METTL15: variants seen among roughly 807,000 people sequenced by gnomAD.
METTL15 encodes the protein 12S rRNA N(4)-cytidine methyltransferase METTL15.
In METTL15, 34 loss-of-function variants were observed where a neutral mutation model predicts 38.3. The observed-to-expected ratio is 0.89, with a 90% CI of 0.68 to 1.18. METTL15 has a LOEUF of 1.18. METTL15 is among the 50% of genes most tolerant of loss of function. The pLI, the probability that METTL15 is intolerant of heterozygous loss-of-function variation, is 0.00. For synonymous variants in METTL15, 162 were observed against 170.9 expected, an observed-to-expected ratio of 0.95 and a Z score of 0.41; for missense variants, 438 against 498.4, an observed-to-expected ratio of 0.88 and a Z score of 1.15.
intron 3 of METTL15, among the ~76,000 whole-genome samples, chr11:28,192,074 T>C (rs920542270): frequency 4.6e-5 from 7 of 151,808 alleles, no homozygotes; most frequent in African/African-American, 1.7e-4. Flanking sequence ...AAAGTTTCTT[T>C]TGTGTCTATC....
chr11:28,237,931 CGCAAATGCTGCTGTCTGATCA>C (rs1406347260), intron 4 of METTL15, among the ~76,000 whole-genome samples: 3 of 152,162 alleles, frequency 2.0e-5, no homozygotes, highest in Non-Finnish European at 4.4e-5. Context: ...TTTCGTGATC[CGCAAATGCTGCTGTCTGATCA>C]TTCCTCTGGA....
At chr11:28,303,281 T>TA (rs1856972690) in intron 6 of METTL15, among the ~76,000 whole-genome samples, 1 of 152,166 alleles carries the variant, frequency 6.6e-6, no homozygotes, top group South Asian at 2.1e-4. Context: ...TTTCTCATCT[T>TA]AAACTGGAGG....
intron 3 of METTL15, among the ~76,000 whole-genome samples, chr11:28,115,676 G>A (rs1441581251): frequency 6.6e-6 from 1 of 152,070 alleles, no homozygotes; most frequent in South Asian, 2.1e-4. Context: ...TATTTATTAA[G>A]TGGAAGTAGG....
At chr11:28,272,836 T>C (rs1855700027) in intron 4 of METTL15, among the ~76,000 whole-genome samples, 1 of 152,170 alleles carries the variant, frequency 6.6e-6, no homozygotes, top group African/African-American at 2.4e-5. Context: ...ATACTTTGAC[T>C]TCATGGTCTT....
chr11:28,403,151 G>A (rs937600766), intron 5 of METTL15, among the ~76,000 whole-genome samples: 1 of 151,922 alleles, frequency 6.6e-6, no homozygotes, highest in Non-Finnish European at 1.5e-5. Context: ...GGGTTTTCCT[G>A]ACATACCAAG....
chr11:28,509,917 AT>A lies in METTL15; in HGVS notation c.*425-16551del, dbSNP rs149330971. Among the ~76,000 whole-genome samples the A allele has an allele frequency of 2.3e-3, 349 of 149,520 alleles. 2 individuals carry two copies. Among genetic ancestry groups the A allele is most frequent in the African/African-American group, 6.4e-3 (262 of 40,922 alleles). ...GTTGTAGAGTTGGCTGCCAGGTATC[AT>A]TTTTTTTTTCTATTCTTCTTGAACT... On this transcript the variant is annotated intron_variant and NMD_transcript_variant, in intron 6 of 7. Coordinates refer to the METTL15 transcript ENST00000532947.
intron 6 of METTL15, among the ~76,000 whole-genome samples, chr11:28,470,908 C>T (rs1056856969): frequency 6.6e-6 from 1 of 152,104 alleles, no homozygotes; most frequent in Non-Finnish European, 1.5e-5. Context: ...TTCTTATTAT[C>T]TACTTTGGTT....
chr11:28,450,177 A>G (rs1473683475), intron 6 of METTL15, among the ~76,000 whole-genome samples: 2 of 152,236 alleles, frequency 1.3e-5, no homozygotes, highest in South Asian at 4.1e-4. Context: ...TATATTTCCA[A>G]TGACACTGGA....
At chr11:28,336,488 G>GA (rs1201290564), downstream of METTL15, among the ~76,000 whole-genome samples, 1 of 152,162 alleles carries the variant, frequency 6.6e-6, no homozygotes, top group African/African-American at 2.4e-5. Context: ...AAGCCAGTGA[G>GA]AAGAGGCCAA....
chr11:28,446,889 G>A (rs538207796), intron 6 of METTL15, among the ~76,000 whole-genome samples: 63 of 152,006 alleles, frequency 4.1e-4, no homozygotes, highest in African/African-American at 1.1e-3. Flanking sequence ...TGCAATTCCA[G>A]ATATTTTTCT....
At chr11:28,335,423 T>C (rs898241736), downstream of METTL15, among the ~76,000 whole-genome samples, 4 of 152,206 alleles carry the variant, frequency 2.6e-5, no homozygotes, top group African/African-American at 9.6e-5. Flanking sequence ...GATGTGGATA[T>C]TATTGGTACT....
At chr11:28,285,515 A>G (rs193265515) in intron 4 of METTL15, among the ~76,000 whole-genome samples, 2 of 152,250 alleles carry the variant, frequency 1.3e-5, no homozygotes, top group East Asian at 1.9e-4. Context: ...CATGATAGCT[A>G]TAGTAGTTAG....
At chr11:28,114,594 G>T (rs1851862302) in intron 3 of METTL15, among the ~76,000 whole-genome samples, 1 of 152,068 alleles carries the variant, frequency 6.6e-6, no homozygotes, top group African/African-American at 2.4e-5. Context: ...GAGACTATAG[G>T]TGAACACTAC....
intron 3 of METTL15, 102 bp from the exon 4 acceptor site, chr11:28,210,960 G>T: frequency 8.1e-7 from 1 of 1,234,888 alleles, no homozygotes. Flanking sequence ...CCTATTTACT[G>T]TCAAGTCTGA....
intron 5 of METTL15, among the ~76,000 whole-genome samples, chr11:28,408,068 A>T (rs1850689709): frequency 6.6e-6 from 1 of 152,048 alleles, no homozygotes; most frequent in Non-Finnish European, 1.5e-5. Flanking sequence ...AGAACACCAA[A>T]CACCACATTT....
intron 5 of METTL15, among the ~76,000 whole-genome samples, chr11:28,386,327 G>C (rs1286485557): frequency 6.6e-6 from 1 of 151,598 alleles, no homozygotes; most frequent in Non-Finnish European, 1.5e-5. Context: ...AACAAAATCC[G>C]ACTATAAGCT....
rs768811414 is a variant in METTL15, at chr11:28,113,521, A to G, written c.187A>G (p.Arg63Gly). The change falls in exon 3 of 7, where the codon AGA becomes GGA. Residue 63 changes from arginine to glycine, a missense_variant. Physicochemically the swap from Arg to Gly is moderately radical, Grantham distance 125. Transcript: ENST00000407364. ...QAQELHRSQD[R>G]DFETMAKLHI... ...CCAGGAGTTACACAGATCTCAAGAT[A>G]GAGATTTTGAAACTATGGCTAAATT... is the stretch of plus-strand genomic sequence containing the variant. 3 of 1,612,002 alleles carry G rather than the reference A, an allele frequency of 1.9e-6. No individual in the cohort carries two copies. Among genetic ancestry groups the G allele is most frequent in the African/African-American group, 2.7e-5 (2 of 74,860 alleles).
intron 5 of METTL15, among the ~76,000 whole-genome samples, chr11:28,365,705 A>C (rs1016676057): frequency 6.6e-6 from 1 of 152,146 alleles, no homozygotes; most frequent in Admixed American, 6.6e-5. Context: ...AAAATGTATG[A>C]GGGATTTTTG....
At chr11:28,188,743 G>A (rs1373873503) in intron 3 of METTL15, among the ~76,000 whole-genome samples, 1 of 151,078 alleles carries the variant, frequency 6.6e-6, no homozygotes, top group African/African-American at 2.4e-5. Context: ...GTCTTTGGTA[G>A]CATAGTTTTT....
Sources: gnomAD v4.1 joint callset for allele counts (sites outside exome capture counted in the v4.1 genomes callset) on GRCh38, gnomAD v4.1.1 for gene constraint, MANE v1.5 for transcripts, NCBI Gene and HGNC (gene_info 2026-07-23, HGNC 2026-07-21) for gene names.